The following BIK variants were observed in gnomAD, a reference collection of about 807,000 sequenced individuals.
The protein encoded by BIK is BCL2 interacting killer.
In BIK, 14 loss-of-function variants were observed where a neutral mutation model predicts 12.1. That is an observed-to-expected ratio of 1.16 (90% CI 0.77 to 1.81). The LOEUF is 1.81. Among genes scored for constraint, BIK ranks in the 40% most tolerant of loss-of-function variants. The pLI, the probability that BIK is intolerant of heterozygous loss-of-function variation, is 0.00. For synonymous variants in BIK, 86 were observed against 92.3 expected, an observed-to-expected ratio of 0.93 and a Z score of 0.39; for missense variants, 215 against 207.9, an observed-to-expected ratio of 1.03 and a Z score of -0.21.
intron 1 of BIK, among the ~76,000 whole-genome samples, chr22:43,114,147 C>T (rs534803214): frequency 6.6e-5 from 10 of 152,266 alleles, no homozygotes; most frequent in Non-Finnish European, 1.0e-4. Flanking sequence ...CACTGGGCCT[C>T]GCCAGGCACT....
At chr22:43,116,548 TC>T (rs1400183278) in intron 1 of BIK, among the ~76,000 whole-genome samples, 3 of 151,984 alleles carry the variant, frequency 2.0e-5, no homozygotes, top group African/African-American at 7.3e-5. Flanking sequence ...AACCTCTGCC[TC>T]CCAGGTTCAA....
chr22:43,118,585 C>T (rs1930162249), intron 1 of BIK, among the ~76,000 whole-genome samples: 1 of 152,170 alleles, frequency 6.6e-6, no homozygotes, highest in African/African-American at 2.4e-5. Flanking sequence ...ACCCCACCCT[C>T]ATGGTCCAGG....
chr22:43,127,016 A>C (rs1477683818), intron 2 of BIK, among the ~76,000 whole-genome samples: 1 of 152,106 alleles, frequency 6.6e-6, no homozygotes, highest in Non-Finnish European at 1.5e-5. Flanking sequence ...CCCCCGGTGT[A>C]GTCACTGGGA....
rs1469048131 is a variant in BIK, at chr22:43,128,570, C to T, written c.335C>T (p.Thr112Ile). The stretch of plus-strand genomic sequence containing the variant: ...CTTAGAAGTTTCATGGACGGTTTCA[C>T]CACACTTAAGGAGAACATAATGAGG... Reference protein sequence around the residue: ...DVLRSFMDGFTTLKENIMRFW... With the variant: ...DVLRSFMDGFITLKENIMRFW... The change falls in exon 4 of 5, where the codon ACC (threonine) becomes ATC (isoleucine). Residue 112 changes from threonine to isoleucine, a missense_variant. Transcript: ENST00000216115. The T allele has an allele frequency of 2.5e-6, 4 of 1,614,084 alleles. No individual in the cohort carries two copies. In the South Asian group the frequency reaches 4.4e-5, roughly 18 times the overall value.
At chr22:43,128,439 C>T in intron 3 of BIK, 57 bp from the exon 4 acceptor site, 1 of 1,581,042 alleles carries the variant, frequency 6.3e-7, no homozygotes, top group Non-Finnish European at 8.7e-7. Flanking sequence ...TAAGTACAGG[C>T]TGCCCCTACC....
intron 1 of BIK, among the ~76,000 whole-genome samples, chr22:43,119,277 C>T (rs1930174978): frequency 6.6e-6 from 1 of 152,018 alleles, no homozygotes; most frequent in Non-Finnish European, 1.5e-5. Context: ...GTTTCAACTA[C>T]TCATTTGCAA....
At chr22:43,112,551 G>A (rs1601726759) in intron 1 of BIK, among the ~76,000 whole-genome samples, 1 of 151,030 alleles carries the variant, frequency 6.6e-6, no homozygotes, top group African/African-American at 2.4e-5. Context: ...GATTACAGAC[G>A]TGAGCCCCTA....
intron 1 of BIK, among the ~76,000 whole-genome samples, chr22:43,115,600 T>C (rs1008169209): frequency 6.6e-6 from 1 of 151,968 alleles, no homozygotes; most frequent in East Asian, 1.9e-4. Flanking sequence ...GTAGCTGGGA[T>C]TACAGGCGTG....
chr22:43,112,592 T>G (rs1297818854), intron 1 of BIK, among the ~76,000 whole-genome samples: 1 of 151,446 alleles, frequency 6.6e-6, no homozygotes, highest in African/African-American at 2.4e-5. Context: ...TTTAATTGTC[T>G]TAAGGATGTT....
chr22:43,115,387 T>A (rs961756470), intron 1 of BIK, among the ~76,000 whole-genome samples: 1 of 152,120 alleles, frequency 6.6e-6, no homozygotes, highest in Non-Finnish European at 1.5e-5. Flanking sequence ...CCAGGGGCCG[T>A]ACCTGCCTCT....
chr22:43,129,383 T>C lies in BIK; in HGVS notation c.*78T>C. 1 of 1,497,408 alleles carries C rather than the reference T, an allele frequency of 6.7e-7. No homozygotes were observed. 92.8% of individuals were successfully genotyped at this position (1,497,408 alleles called of 1,614,324 possible). ...GAGGTGGCGGCCTGCTGCTGTTATC[T>C]TTTTAACTGTTTTCTCATGATGCCT... is the stretch of plus-strand genomic sequence containing the variant. On this transcript the variant is annotated 3_prime_UTR_variant, in exon 5 of 5. Coordinates refer to ENST00000216115, the MANE Select transcript of BIK (RefSeq NM_001197.5).
intron 2 of BIK, among the ~76,000 whole-genome samples, chr22:43,127,172 T>TC (rs1294885107): frequency 1.3e-5 from 2 of 151,816 alleles, no homozygotes; most frequent in Admixed American, 6.6e-5. Context: ...GGCTTCTTAG[T>TC]CCCCCCATTT....
chr22:43,111,120 C>A (rs1285831204), intron 1 of BIK, among the ~76,000 whole-genome samples: 2 of 152,194 alleles, frequency 1.3e-5, no homozygotes, highest in Non-Finnish European at 2.9e-5. Flanking sequence ...ATCGCCGCCG[C>A]ACAGTCCTCC....
intron 2 of BIK, among the ~76,000 whole-genome samples, chr22:43,126,410 C>T (rs981362383): frequency 6.6e-6 from 1 of 152,130 alleles, no homozygotes; most frequent in African/African-American, 2.4e-5. Context: ...TGGTCTCGAT[C>T]TCCTGACCTC....
chr22:43,117,906 C>G (rs1281637142), intron 1 of BIK, among the ~76,000 whole-genome samples: 2 of 151,932 alleles, frequency 1.3e-5, no homozygotes, highest in Non-Finnish European at 2.9e-5. Flanking sequence ...AACTCCTGAC[C>G]TCATGATCTG....
Position 43,129,330 on chromosome 22 carries a change from T to C in BIK, c.*25T>C. 2 of 1,593,558 alleles carry C rather than the reference T, an allele frequency of 1.3e-6. No homozygotes were observed. Among genetic ancestry groups the C allele is most frequent in the South Asian group, 1.1e-5 (1 of 90,508 alleles). On this transcript the variant is annotated 3_prime_UTR_variant, in exon 5 of 5. Transcript: ENST00000216115. Reference sequence around the variant, plus strand: ...AGGCCCCGGCGGCTCAGGGCGGGGCTGGCCCCACCCCCATGACCACTGCCC... The same window carrying C: ...AGGCCCCGGCGGCTCAGGGCGGGGCCGGCCCCACCCCCATGACCACTGCCC...
At chr22:43,117,438 G>A (rs952139146) in intron 1 of BIK, among the ~76,000 whole-genome samples, 12 of 148,856 alleles carry the variant, frequency 8.1e-5, no homozygotes, top group South Asian at 4.2e-4. Context: ...GCATGATCTC[G>A]GCTTACTGAA....
chr22:43,112,626 G>A (rs1930033700), intron 1 of BIK, among the ~76,000 whole-genome samples: 2 of 149,944 alleles, frequency 1.3e-5, no homozygotes, highest in Non-Finnish European at 1.5e-5. Context: ...TCACACATTT[G>A]ACTCGTGCCT....
In BIK at chr22:43,127,592, C is replaced by T. The variant is rs1930342179; in HGVS notation, c.162-105C>T. The T allele has an allele frequency of 6.8e-6, 7 of 1,023,214 alleles. No individual in the cohort carries two copies. The South Asian group carries it at 7.7e-5, about 11-fold the overall frequency. The allele number at this position is 1,023,214 out of a possible 1,614,324, so 63.4% of individuals were successfully genotyped here. ...CCCAAATCTGACACCATCTCTTATC[C>T]TCTGGGCCACTCCCAGCTGCACACA... On this transcript the variant is annotated intron_variant, in intron 2 of 4. Coordinates refer to ENST00000216115, the MANE Select transcript of BIK (RefSeq NM_001197.5).
Sources: allele counts gnomAD v4.1 joint callset (sites outside exome capture counted in the v4.1 genomes callset), GRCh38; gene constraint gnomAD v4.1.1; transcripts MANE v1.5; gene names NCBI Gene and HGNC (gene_info 2026-07-23, HGNC 2026-07-21).